MAB21L4: variants seen among roughly 807,000 people sequenced by gnomAD.
The protein encoded by MAB21L4 is protein mab-21-like 4.
Under a neutral mutation model 32.4 loss-of-function variants are expected in MAB21L4, and 25 were observed. The ratio of observed to expected loss-of-function variants is 0.77; its 90% CI spans 0.56 to 1.08. The LOEUF (loss-of-function observed/expected upper bound fraction) is 1.08. MAB21L4 is among the 50% of genes least tolerant of loss of function. MAB21L4 has a pLI of 0.00. For missense variants in MAB21L4, 638 were observed against 611.0 expected (o/e 1.04, Z -0.47); for synonymous variants, 280 against 276.8 (o/e 1.01, Z -0.11).
chr2:240,887,243 T>C, intron 4 of MAB21L4, 81 bp from the exon 5 acceptor site: 1 of 1,174,964 alleles, frequency 8.5e-7, no homozygotes, highest in South Asian at 1.3e-5. Context: ...GAGCACAGCG[T>C]GGAACAACTG....
intron 3 of MAB21L4, among the ~76,000 whole-genome samples, chr2:240,889,201 C>T (rs1163870199): frequency 6.6e-6 from 1 of 152,230 alleles, no homozygotes; most frequent in African/African-American, 2.4e-5. Context: ...CTCCCATGGC[C>T]TCTCACCCTG....
chr2:240,893,193 G>A (rs1013877154), intron 1 of MAB21L4, among the ~76,000 whole-genome samples: 3 of 152,310 alleles, frequency 2.0e-5, no homozygotes, highest in East Asian at 3.9e-4. Flanking sequence ...CATCATGAGC[G>A]AGCATGGGGC....
At chr2:240,889,630 G>A (rs1004437228) in intron 3 of MAB21L4, among the ~76,000 whole-genome samples, 1 of 152,250 alleles carries the variant, frequency 6.6e-6, no homozygotes, top group African/African-American at 2.4e-5. Flanking sequence ...AACCCCCAGA[G>A]GGAGGTGTCC....
intron 3 of MAB21L4, among the ~76,000 whole-genome samples, chr2:240,889,184 C>A (rs2059123874): frequency 6.6e-6 from 1 of 152,206 alleles, no homozygotes. Context: ...GCTTTTCAAA[C>A]CCTCTTCTCC....
chr2:240,887,271 C>T, intron 4 of MAB21L4, 109 bp from the exon 5 acceptor site: 1 of 868,244 alleles, frequency 1.2e-6, no homozygotes, highest in Middle Eastern at 2.5e-4. Flanking sequence ...CTGGGCCATG[C>T]CGGGCCTTCC....
At chr2:240,891,218 C>T (rs2059146118) in intron 2 of MAB21L4, among the ~76,000 whole-genome samples, 1 of 152,204 alleles carries the variant, frequency 6.6e-6, no homozygotes, top group Admixed American at 6.5e-5. Context: ...GGACAGGTTG[C>T]CTGACCTCTC....
In MAB21L4 at chr2:240,890,111, G is replaced by A; in HGVS notation, c.788C>T (p.Ser263Phe). ...LLTRLLGELG[S>F]LQGHRLDSLS... is the part of the protein sequence containing the mutation. ...GCTGTCCAGGCGATGACCCTGCAGG[G>A]AGCCCAGCTCCCCCAGCAGCCTCGT... The change falls in exon 3 of 5, where the codon TCC becomes TTC. Residue 263 changes from serine to phenylalanine, a missense_variant. Transcript: ENST00000388934. 1 of 1,612,252 alleles carries A rather than the reference G, an allele frequency of 6.2e-7. No individual in the cohort carries two copies. Among genetic ancestry groups the A allele is most frequent in the Non-Finnish European group, 8.5e-7 (1 of 1,179,050 alleles).
At chr2:240,894,464 G>C (rs2059174076) in intron 1 of MAB21L4, among the ~76,000 whole-genome samples, 1 of 152,184 alleles carries the variant, frequency 6.6e-6, no homozygotes, top group South Asian at 2.1e-4. Context: ...GGCAGCCCCT[G>C]CTGAAGGAGC....
chr2:240,896,821 C>G (rs2059189953), upstream of MAB21L4: 3 of 136,536 alleles, frequency 2.2e-5, no homozygotes, highest in Admixed American at 2.5e-4. Context: ...AGCCTGGGAG[C>G]TGGAGCTCGT....
At chr2:240,894,806 A>ACAAACAAG (rs1055202136) in intron 1 of MAB21L4, among the ~76,000 whole-genome samples, 3 of 149,990 alleles carry the variant, frequency 2.0e-5, no homozygotes, top group African/African-American at 7.3e-5. Context: ...TCACAAACAA[A>ACAAACAAG]CAAACAAAAG....
chr2:240,895,202 A>G (rs1301206258), intron 1 of MAB21L4, among the ~76,000 whole-genome samples: 1 of 152,202 alleles, frequency 6.6e-6, no homozygotes, highest in Non-Finnish European at 1.5e-5. Context: ...GCAAACACAC[A>G]CGACACGGAA....
intron 1 of MAB21L4, 184 bp from the exon 2 acceptor site, chr2:240,891,947 C>T (rs1472542293): frequency 1.3e-6 from 2 of 1,561,840 alleles, no homozygotes; most frequent in South Asian, 2.3e-5. Flanking sequence ...CATCCCTGGA[C>T]CTCAGCCAAG....
At chr2:240,894,303 G>A (rs1364459761) in intron 1 of MAB21L4, among the ~76,000 whole-genome samples, 3 of 152,152 alleles carry the variant, frequency 2.0e-5, no homozygotes, top group African/African-American at 7.2e-5. Context: ...TGAGGACTGT[G>A]GTGACTCACA....
At chr2:240,891,046 G>A (rs1014630473) in intron 2 of MAB21L4, among the ~76,000 whole-genome samples, 2 of 152,204 alleles carry the variant, frequency 1.3e-5, no homozygotes, top group African/African-American at 4.8e-5. Flanking sequence ...TGTTGCAGTG[G>A]TGTCAGATCT....
At chr2:240,895,419 C>G in intron 1 of MAB21L4, 65 bp downstream of exon 1, 1 of 1,421,988 alleles carries the variant, frequency 7.0e-7, no homozygotes, top group Non-Finnish European at 9.4e-7. Flanking sequence ...CACTTGCACA[C>G]AGACACCCAC....
rs960967399 is a variant in MAB21L4, at chr2:240,888,418, G to C, written c.1125C>G (p.Ile375Met). The C allele has an allele frequency of 2.6e-6, 4 of 1,559,550 alleles. No homozygotes were observed. The African/African-American group carries it at 4.1e-5, about 16-fold the overall frequency. The change falls in exon 4 of 5, where the codon ATC becomes ATG. Residue 375 changes from isoleucine to methionine, a missense_variant. Coordinates refer to ENST00000388934, the MANE Select transcript of MAB21L4 (RefSeq NM_001085437.3). ...GGCTGCGGCCCAGGTGGGTGGCGTG[G>C]ATGCGCAGGGCCGCCTCGGGCTGGC... ...FASQPEAALR[I>M]HATHLGRSPP...
At chr2:240,889,920 T>C in intron 3 of MAB21L4, 85 bp downstream of exon 3, 1 of 1,424,282 alleles carries the variant, frequency 7.0e-7, no homozygotes, top group Non-Finnish European at 9.5e-7. Flanking sequence ...TGCCTGCCAG[T>C]CAGGGCTGGC....
rs770022139 is a variant in MAB21L4, at chr2:240,888,496, C to G, written c.1047G>C (p.Gln349His). Residue 349 changes from glutamine (Q) to histidine (H), a missense_variant, in exon 4 of 5, where the codon CAG becomes CAC. Gln to His is a conservative substitution (Grantham distance 24). Transcript: ENST00000388934. ...HFLHPQRNLL[Q>H]GSGLDLGAIY... ...TGGCACCAAGGTCCAGGCCGCTGCC[C>G]TGCAGCAGGTTGCGCTGCGGGTGGA... 1.6e-5 allele frequency: 26 copies of G among 1,605,480 alleles called. No individual in the cohort carries two copies. The highest frequency in any genetic ancestry group is 2.1e-5 in the Non-Finnish European group (25 of 1,178,478).
At chr2:240,893,415 G>A (rs2059166520) in intron 1 of MAB21L4, among the ~76,000 whole-genome samples, 1 of 152,248 alleles carries the variant, frequency 6.6e-6, no homozygotes, top group Non-Finnish European at 1.5e-5. Context: ...GCCCCCCCAT[G>A]CAGCACTTGA....
Sources: allele counts gnomAD v4.1 joint callset (sites outside exome capture counted in the v4.1 genomes callset), GRCh38; gene constraint gnomAD v4.1.1; transcripts MANE v1.5; gene names NCBI Gene and HGNC (gene_info 2026-07-23, HGNC 2026-07-21).